Variants in EEF1E1 observed in about 807,000 individuals in gnomAD.
EEF1E1 encodes the protein eukaryotic translation elongation factor 1 epsilon-1.
Under a neutral mutation model 19.9 loss-of-function variants are expected in EEF1E1, and 19 were observed. That is an observed-to-expected ratio of 0.95 (90% confidence interval 0.66 to 1.40). EEF1E1 has a LOEUF of 1.40. Ranked by LOEUF, EEF1E1 falls within the 40% of genes most tolerant of loss-of-function variation. The pLI is 0.00. For missense variants in EEF1E1, 198 were observed against 202.2 expected (o/e 0.98, Z 0.13); for synonymous variants, 81 against 80.0 (o/e 1.01, Z -0.07).
At chr6:8,082,879 C>T (rs1757756500) in intron 3 of EEF1E1, among the ~76,000 whole-genome samples, 2 of 152,284 alleles carry the variant, frequency 1.3e-5, no homozygotes, top group South Asian at 4.1e-4. Flanking sequence ...CAGATTTCTC[C>T]CCTCACCAAA....
intron 3 of EEF1E1, among the ~76,000 whole-genome samples, chr6:8,087,311 G>A (rs1757886257): frequency 1.3e-5 from 2 of 152,162 alleles, no homozygotes; most frequent in Admixed American, 1.3e-4. Context: ...TCTTCCTCCT[G>A]GGTTCAAGCA....
intron 1 of EEF1E1, among the ~76,000 whole-genome samples, chr6:8,098,176 G>A (rs895223235): frequency 1.3e-5 from 2 of 151,710 alleles, no homozygotes; most frequent in Non-Finnish European, 2.9e-5. Flanking sequence ...CTGGAGTGCA[G>A]TGGCATGGTC....
chr6:8,098,532 T>C (rs1561645619), intron 1 of EEF1E1, among the ~76,000 whole-genome samples: 1 of 152,222 alleles, frequency 6.6e-6, no homozygotes, highest in Non-Finnish European at 1.5e-5. Flanking sequence ...AGGATACAGA[T>C]TCAAAGTAAG....
chr6:8,090,192 G>A lies in EEF1E1; in HGVS notation c.378C>T (p.Arg126=), dbSNP rs754163203. The A allele has an allele frequency of 1.8e-4, 277 of 1,525,452 alleles. No homozygotes were observed. Among genetic ancestry groups the A allele is most frequent in the Non-Finnish European group, 2.3e-4 (262 of 1,142,916 alleles). The allele number at this position is 1,525,452 out of a possible 1,614,324, so 94.5% of individuals were successfully genotyped here. ...TAACTATACAAATACTCACTATAAA[G>A]CGATGAAGTCCATAGTACAATAGTA... The part of the protein sequence containing the change: ...ADILLYYGLH[R]FIVDLTVQEK... The change falls in exon 3 of 4, where the codon CGC becomes CGT. Residue 126 remains arginine (R), a synonymous_variant. Transcript: ENST00000379715.
At chr6:8,085,912 A>G (rs951041752) in intron 3 of EEF1E1, among the ~76,000 whole-genome samples, 1 of 152,208 alleles carries the variant, frequency 6.6e-6, no homozygotes, top group African/African-American at 2.4e-5. Context: ...CATGTAAAAC[A>G]GTCTAATTTC....
chr6:8,091,098 C>T lies in EEF1E1; in HGVS notation c.289-817G>A, dbSNP rs181307407. ...ATTCCATTAATTTCTTGAGGAAGTG[C>T]TATTCCTGCTTTTCATAGCAGTTGC... On this transcript the variant is annotated intron_variant, in intron 2 of 3. Coordinates refer to ENST00000379715, the MANE Select transcript of EEF1E1 (RefSeq NM_004280.5). Among the ~76,000 whole-genome samples, 9 of 152,286 alleles carry T rather than the reference C, an allele frequency of 5.9e-5. No individual in the cohort carries two copies. In the East Asian group the frequency reaches 1.5e-3, roughly 26 times the overall value.
chr6:8,090,130 T>C (rs769331217), intron 3 of EEF1E1, 56 bp downstream of exon 3: 3 of 1,392,640 alleles, frequency 2.2e-6, no homozygotes. Context: ...AGACAAAGTT[T>C]TAAAAATCAT....
rs1757688389 is a variant in EEF1E1 at position 8,080,038 on chromosome 6, G to C, written c.385-8C>G. 1 of 1,612,482 alleles carries C rather than the reference G, an allele frequency of 6.2e-7. No individual in the cohort carries two copies. The highest frequency in any genetic ancestry group is 1.3e-5 in the African/African-American group (1 of 74,846). On this transcript the variant is annotated splice_region_variant and splice_polypyrimidine_tract_variant and intron_variant, in intron 3 of 3. Transcript: ENST00000379715. ...TTGAACTGTCAGGTCAACCTAAGTA[G>C]AGATTAAAAACATACACACACAACA...
intron 3 of EEF1E1, 41 bp from the exon 4 acceptor site, chr6:8,080,071 T>A: frequency 1.3e-6 from 2 of 1,599,768 alleles, no homozygotes; most frequent in Non-Finnish European, 1.7e-6. Flanking sequence ...ACACAGATGT[T>A]ACATAAGCAC....
At position 8,102,530 on chromosome 6, in the gene EEF1E1, C is replaced by G. The variant is rs765141019; in HGVS notation, c.-9G>C. On this transcript the variant is annotated 5_prime_UTR_variant, in exon 1 of 4. Transcript: ENST00000379715. ...TCTGCGGCCGCCGCCATCTTCCGGC[C>G]GTAGCTCCTGGCAGACGCGAGACCT... 1 of 1,609,446 alleles carries G rather than the reference C, an allele frequency of 6.2e-7. No homozygotes were observed. The highest frequency in any genetic ancestry group is 2.2e-5 in the East Asian group (1 of 44,868).
At chr6:8,074,877 T>C (rs111773037), downstream of EEF1E1, among the ~76,000 whole-genome samples, 277 of 152,310 alleles carry the variant, frequency 1.8e-3, 3 homozygotes, top group African/African-American at 6.4e-3. Flanking sequence ...ATTGCCTAGC[T>C]GACTGAGGGA....
rs1289783819 is a variant in EEF1E1, at chr6:8,079,925, A to C, written c.490T>G (p.Phe164Val). 1.2e-6 allele frequency: 2 copies of C among 1,612,992 alleles called. No homozygotes were observed. The highest frequency in any genetic ancestry group is 2.2e-5 in the South Asian group (2 of 91,026). The change falls in exon 4 of 4, where the codon TTC becomes GTC. Residue 164 changes from phenylalanine (F) to valine (V), a missense_variant. Coordinates refer to ENST00000379715, the MANE Select transcript of EEF1E1 (RefSeq NM_004280.5). Reference protein sequence around the residue: ...GIRQHLSSVVFIKNRLYTNSH With the variant: ...GIRQHLSSVVVIKNRLYTNSH ...TTAGTATATAGTCTGTTCTTGATGA[A>C]GACAACACTAGACAGATGTTGCCTG...
chr6:8,091,691 A>G (rs1758014861), intron 2 of EEF1E1, among the ~76,000 whole-genome samples: 1 of 152,250 alleles, frequency 6.6e-6, no homozygotes, highest in Non-Finnish European at 1.5e-5. Context: ...ATTATAGTCA[A>G]TTAAGTGAAA....
intron 3 of EEF1E1, among the ~76,000 whole-genome samples, chr6:8,080,924 AT>A (rs999116191): frequency 6.6e-6 from 1 of 152,220 alleles, no homozygotes; most frequent in Non-Finnish European, 1.5e-5. Flanking sequence ...GTTGGGAGAC[AT>A]TTTTAGTGAG....
At position 8,097,476 on chromosome 6, in the gene EEF1E1, G is replaced by GA. The variant is rs1561645196; in HGVS notation, c.88-10dup. ...GTCTGAAGAACTGGAATCTTAAAAA[G>GA]AAAAAAAAGTTCACAGAATTTAAAA... On this transcript the variant is annotated splice_polypyrimidine_tract_variant and intron_variant, in intron 1 of 3. Transcript: ENST00000379715. 7 of 1,595,948 alleles carry GA rather than the reference G, an allele frequency of 4.4e-6. No individual in the cohort carries two copies. The highest frequency in any genetic ancestry group is 2.7e-5 in the African/African-American group (2 of 73,532).
chr6:8,077,096 A>G (rs1014905382), downstream of EEF1E1, among the ~76,000 whole-genome samples: 5 of 152,072 alleles, frequency 3.3e-5, no homozygotes, highest in South Asian at 6.2e-4. Context: ...GGCGCCCGCC[A>G]CCACACCCAG....
At chr6:8,078,040 G>A (rs182843724), downstream of EEF1E1, among the ~76,000 whole-genome samples, 1 of 152,258 alleles carries the variant, frequency 6.6e-6, no homozygotes, top group East Asian at 1.9e-4. Flanking sequence ...ACATCTCAAA[G>A]TGCTGGGATT....
rs1757676249 is a variant in EEF1E1, at chr6:8,079,607, C to T, written c.*283G>A. On this transcript the variant is annotated 3_prime_UTR_variant, in exon 4 of 4. Coordinates refer to ENST00000379715, the MANE Select transcript of EEF1E1 (RefSeq NM_004280.5). ...TGACCACCAATTTTAAGATTAAGCCCGATTTGCAACTTTTATTGAAATAAA... is the reference window on the plus strand; with the variant it reads ...TGACCACCAATTTTAAGATTAAGCCTGATTTGCAACTTTTATTGAAATAAA... 5.6e-6 allele frequency: 6 copies of T among 1,074,890 alleles called. No individual in the cohort carries two copies. The highest frequency in any genetic ancestry group is 6.0e-5 in the East Asian group (1 of 16,738). 66.6% of individuals were successfully genotyped at this position (1,074,890 alleles called of 1,614,324 possible). A position where few individuals can be genotyped will look rare whatever the true frequency, so the allele number is the denominator to read the frequency against.
downstream of EEF1E1, among the ~76,000 whole-genome samples, chr6:8,074,626 A>T (rs975797167): frequency 6.6e-6 from 1 of 152,236 alleles, no homozygotes; most frequent in African/African-American, 2.4e-5. Context: ...AGTGAGAAGG[A>T]AAGGGCATTT....
Sources: gnomAD v4.1 joint callset for allele counts (sites outside exome capture counted in the v4.1 genomes callset) on GRCh38, gnomAD v4.1.1 for gene constraint, MANE v1.5 for transcripts, NCBI Gene and HGNC (gene_info 2026-07-23, HGNC 2026-07-21) for gene names.